The following PYGL variants were observed in gnomAD, a reference collection of about 807,000 sequenced individuals.
The protein encoded by PYGL is glycogen phosphorylase L.
PYGL carries 90 observed loss-of-function variants against 100.1 expected under a neutral mutation model. That is an observed-to-expected ratio of 0.90 (90% CI 0.76 to 1.07). PYGL has a LOEUF of 1.07. PYGL is among the 50% of genes least tolerant of loss of function. The probability of loss-of-function intolerance (pLI) is 0.00; values close to 1 mark genes in which losing one functional copy is unlikely to be tolerated. For missense variants in PYGL, 1,016 were observed against 1,057.6 expected (o/e 0.96, Z 0.55); for synonymous variants, 373 against 393.0 (o/e 0.95, Z 0.60).
chr14:50,939,964 A>G (rs1333173199), intron 1 of PYGL, among the ~76,000 whole-genome samples: 1 of 152,226 alleles, frequency 6.6e-6, no homozygotes, highest in Non-Finnish European at 1.5e-5. Context: ...ACAAATGGTC[A>G]ACATCCATGA....
At chr14:50,940,089 G>A (rs916962811) in intron 1 of PYGL, among the ~76,000 whole-genome samples, 1 of 152,094 alleles carries the variant, frequency 6.6e-6, no homozygotes, top group African/African-American at 2.4e-5. Flanking sequence ...AGATACCTTC[G>A]AATGATTGGA....
rs2050649868 is a variant in PYGL at position 50,935,866 on chromosome 14, GT to G, written c.346-682del. 2.6e-5 allele frequency among the ~76,000 whole-genome samples: 4 copies of G among 152,382 alleles called. 1 individual carries two copies. Among genetic ancestry groups the G allele is most frequent in the African/African-American group, 9.6e-5 (4 of 41,596 alleles). On this transcript the variant is annotated intron_variant, in intron 2 of 19. Transcript: ENST00000216392. ...CCTGACAGCAGGCAGGGAAACTGCA[GT>G]CCTGCAATCCAGCTGGATGGGGTAA...
rs1213156043 is a variant in PYGL at position 50,912,256 on chromosome 14, C to T, written c.1668G>A (p.Val556=). ...CAAACATGGAGGATGGGTTGATCTTCACTTTGTACTCCGTCTCCAGGAACT... is the reference window on the plus strand; with the variant it reads ...CAAACATGGAGGATGGGTTGATCTTTACTTTGTACTCCGTCTCCAGGAACT... ...FSQFLETEYK[V]KINPSSMFDV... Residue 556 remains valine, a synonymous_variant, in exon 14 of 20, where the codon GTG becomes GTA. Transcript: ENST00000216392. 1 of 1,614,144 alleles carries T rather than the reference C, an allele frequency of 6.2e-7. No individual in the cohort carries two copies. Among genetic ancestry groups the T allele is most frequent in the Non-Finnish European group, 8.5e-7 (1 of 1,179,968 alleles).
At chr14:50,914,419 C>T (rs1338067225) in intron 12 of PYGL, among the ~76,000 whole-genome samples, 1 of 152,058 alleles carries the variant, frequency 6.6e-6, no homozygotes, top group Admixed American at 6.6e-5. Context: ...ATTGCTTGAA[C>T]CCAGGAGGTG....
chr14:50,944,325 C>T lies in PYGL; in HGVS notation c.79G>A (p.Glu27Lys). 6.2e-7 allele frequency: 1 copy of T among 1,613,996 alleles called. No homozygotes were observed. Among genetic ancestry groups the T allele is most frequent in the African/African-American group, 1.3e-5 (1 of 75,064 alleles). Residue 27 changes from glutamate to lysine, a missense_variant, in exon 1 of 20, where the codon GAG (glutamate) becomes AAG (lysine). Transcript: ENST00000216392. ...TGCCGGTTGAAACTCTTCTTCAGCT[C>T]TGCCACGTTCTCCACGCCCACGATG... ...RGIVGVENVA[E>K]LKKSFNRHLH... is the part of the protein sequence containing the mutation.
chr14:50,937,665 T>TGTC lies in PYGL; in HGVS notation c.345+68_345+70dup, dbSNP rs111721909. 1.5e-4 allele frequency: 211 copies of TGTC among 1,419,476 alleles called. 3 individuals carry two copies. The African/African-American group carries it at 2.0e-3, about 13-fold the overall frequency. 87.9% of individuals were successfully genotyped at this position (1,419,476 alleles called of 1,614,324 possible). A position where few individuals can be genotyped will look rare whatever the true frequency, so the allele number is the denominator to read the frequency against. On this transcript the variant is annotated intron_variant, in intron 2 of 19. Coordinates refer to ENST00000216392, the MANE Select transcript of PYGL (RefSeq NM_002863.5). ...TATTTTACTTTATTTTTTTGTGCAATGTCCCCAAGTTTCCTGAAGTGCACA... is the reference window on the plus strand; with the variant it reads ...TATTTTACTTTATTTTTTTGTGCAATGTCGTCCCCAAGTTTCCTGAAGTGCACA...
At position 50,909,931 on chromosome 14, in the gene PYGL, A is replaced by G; in HGVS notation, c.2141T>C (p.Met714Thr). 1 of 1,614,152 alleles carries G rather than the reference A, an allele frequency of 6.2e-7. No individual in the cohort carries two copies. The highest frequency in any genetic ancestry group is 1.6e-4 in the Middle Eastern group (1 of 6,062). Residue 714 changes from methionine to threonine, a missense_variant, in exon 17 of 20, where the codon ATG becomes ACG. Met to Thr is a moderately conservative substitution (Grantham distance 81). Coordinates refer to ENST00000216392, the MANE Select transcript of PYGL (RefSeq NM_002863.5). Reference protein sequence around the residue: ...AGEENLFIFGMRIDDVAALDK... With the variant: ...AGEENLFIFGTRIDDVAALDK... ...CAAAGCAGCCACATCATCTATCCTC[A>G]TGCCAAAGATGAACAGGTTCTCTTC... is the stretch of plus-strand genomic sequence containing the variant.
rs1250585865 is a variant in PYGL at position 50,924,112 on chromosome 14, T to C, written c.529-12A>G. On this transcript the variant is annotated splice_polypyrimidine_tract_variant and intron_variant, in intron 4 of 19. Coordinates refer to ENST00000216392, the MANE Select transcript of PYGL (RefSeq NM_002863.5). ...TCTGCTTCTTCTACCTGCAAAAGGA[T>C]ACAGTATTGCTTAGAATTTATTTGT... 3 of 1,612,916 alleles carry C rather than the reference T, an allele frequency of 1.9e-6. No homozygotes were observed. Among genetic ancestry groups the C allele is most frequent in the Non-Finnish European group, 2.5e-6 (3 of 1,179,102 alleles).
At chr14:50,936,361 T>G (rs1461181227) in intron 2 of PYGL, among the ~76,000 whole-genome samples, 1 of 152,226 alleles carries the variant, frequency 6.6e-6, no homozygotes, top group Non-Finnish European at 1.5e-5. Flanking sequence ...TCTTGACAAC[T>G]GTATCTTACG....
chr14:50,907,166 A>G (rs1237078779), intron 19 of PYGL, among the ~76,000 whole-genome samples: 1 of 152,192 alleles, frequency 6.6e-6, no homozygotes, highest in Non-Finnish European at 1.5e-5. Context: ...TTGCATGCAG[A>G]GGCTTATTCA....
Position 50,910,105 on chromosome 14 carries a change from G to A in PYGL, c.1970-3C>T, listed in dbSNP as rs2142788677. 6.2e-7 allele frequency: 1 copy of A among 1,612,044 alleles called. No homozygotes were observed. Among genetic ancestry groups the A allele is most frequent in the Non-Finnish European group, 8.5e-7 (1 of 1,178,100 alleles). On this transcript the variant is annotated splice_region_variant and splice_polypyrimidine_tract_variant and intron_variant, in intron 16 of 19. Transcript: ENST00000216392. ...TGACAGATCTGTGGCTGGAATGACT[G>A]CAAGAAAGGTAAGTTAAAATTAGTA...
At chr14:50,935,439 C>A (rs567054154) in intron 2 of PYGL, among the ~76,000 whole-genome samples, 10 of 152,252 alleles carry the variant, frequency 6.6e-5, no homozygotes, top group Admixed American at 3.9e-4. Flanking sequence ...TCTTACATGA[C>A]CCTGGGCAAG....
chr14:50,935,106 C>G lies in PYGL; in HGVS notation c.424+1G>C, dbSNP rs913262569. ...TATAATACACTCACAATGTCACTTA[C>G]CAGCAAGTCTCCCAAGACCACCATT... On this transcript the variant is annotated splice_donor_variant, in intron 3 of 19. Transcript: ENST00000216392. LOFTEE classifies it high-confidence loss of function. The G allele has an allele frequency of 2.5e-6, 4 of 1,604,794 alleles. No homozygotes were observed. In the African/African-American group the frequency reaches 5.4e-5, roughly 21 times the overall value.
At position 50,935,173 on chromosome 14, in the gene PYGL, T is replaced by C. The variant is rs761940959; in HGVS notation, c.358A>G (p.Ile120Val). Residue 120 changes from isoleucine (I) to valine (V), a missense_variant, in exon 3 of 20, where the codon ATA (isoleucine) becomes GTA (valine). Ile to Val is a conservative substitution (Grantham distance 29, BLOSUM62 3). Coordinates refer to ENST00000216392, the MANE Select transcript of PYGL (RefSeq NM_002863.5). Reference protein sequence around the residue: ...DEAIYQLGLDIEELEEIEEDA... With the variant: ...DEAIYQLGLDVEELEEIEEDA... ...TCTTCAATTTCTTCTAACTCTTCTATATCCAATCCAAGCTGGTAATGAAAG... is the reference window on the plus strand; with the variant it reads ...TCTTCAATTTCTTCTAACTCTTCTACATCCAATCCAAGCTGGTAATGAAAG... The C allele has an allele frequency of 1.2e-6, 2 of 1,611,786 alleles. No individual in the cohort carries two copies. Among genetic ancestry groups the C allele is most frequent in the Admixed American group, 1.7e-5 (1 of 60,002 alleles).
intron 2 of PYGL, among the ~76,000 whole-genome samples, chr14:50,935,856 G>A (rs915828542): frequency 1.3e-5 from 2 of 152,216 alleles, no homozygotes; most frequent in South Asian, 4.1e-4. Context: ...CAGCAGGCAG[G>A]GAAACTGCAG....
intron 5 of PYGL, chr14:50,923,272 T>C (rs2050517448): frequency 6.6e-6 from 1 of 152,144 alleles, no homozygotes; most frequent in Non-Finnish European, 1.5e-5. Context: ...AACTGCAAAC[T>C]TTTATTTTTA....
chr14:50,927,211 T>C (rs10149867), intron 4 of PYGL, among the ~76,000 whole-genome samples: 39,920 of 151,952 alleles, frequency 0.26, 5,757 homozygotes, highest in East Asian at 0.54. Flanking sequence ...GAGGTTGCAT[T>C]TACTCTTTTT....
Position 50,905,418 on chromosome 14 carries a change from C to G in PYGL, c.2518G>C (p.Glu840Gln). The G allele has an allele frequency of 6.2e-7, 1 of 1,613,568 alleles. No homozygotes were observed. Among genetic ancestry groups the G allele is most frequent in the Non-Finnish European group, 8.5e-7 (1 of 1,179,526 alleles). ...PSDLKISLSN[E>Q]SNKVNGN ...CAATTTCCATTGACTTTGTTAGATT[C>G]ATTGGATAGAGAAATCTTTAGATCT... Residue 840 changes from glutamate to glutamine, a missense_variant, in exon 20 of 20, where the codon GAA becomes CAA. Coordinates refer to ENST00000216392, the MANE Select transcript of PYGL (RefSeq NM_002863.5).
At position 50,917,081 on chromosome 14, in the gene PYGL, A is replaced by T. The variant is rs181870928; in HGVS notation, c.880T>A (p.Leu294Met). The T allele has an allele frequency of 6.2e-7, 1 of 1,614,090 alleles. No individual in the cohort carries two copies. The highest frequency in any genetic ancestry group is 1.1e-5 in the South Asian group (1 of 91,086). Residue 294 changes from leucine to methionine, a missense_variant, in exon 8 of 20, where the codon TTG becomes ATG. Transcript: ENST00000216392. ...GCCACCACAAAGTATTCCTGCTTCA[A>T]TCTTAGCTCCTTCCCTTCAAAAAAC... Reference protein sequence around the residue: ...DNFFEGKELRLKQEYFVVAAT... With the variant: ...DNFFEGKELRMKQEYFVVAAT...
Sources: allele counts gnomAD v4.1 joint callset (sites outside exome capture counted in the v4.1 genomes callset), GRCh38; gene constraint gnomAD v4.1.1; transcripts MANE v1.5; gene names NCBI Gene and HGNC (gene_info 2026-07-23, HGNC 2026-07-21).